Variants in LOXHD1 observed in about 807,000 individuals in gnomAD.
The protein encoded by LOXHD1 is lipoxygenase homology domain-containing protein 1.
In LOXHD1, 205 loss-of-function variants were observed where a neutral mutation model predicts 248.2. The ratio of observed to expected loss-of-function variants is 0.83; its 90% CI spans 0.74 to 0.93. The LOEUF is 0.93. Among genes scored for constraint, LOXHD1 ranks in the 40% least tolerant of loss-of-function variants. The pLI, the probability that LOXHD1 is intolerant of heterozygous loss-of-function variation, is 0.00. For missense variants in LOXHD1, 2,930 were observed against 2,971.6 expected, an observed-to-expected ratio of 0.99 and a Z score of 0.33; for synonymous variants, 1,113 against 1,162.8, an observed-to-expected ratio of 0.96 and a Z score of 0.87.
chr18:46,517,344 G>C (rs1320674849), intron 34 of LOXHD1, among the ~76,000 whole-genome samples: 2 of 152,118 alleles, frequency 1.3e-5, no homozygotes, highest in African/African-American at 4.8e-5. Context: ...GGGCCATCTG[G>C]GTATAGTTTG....
In LOXHD1 at chr18:46,569,459, T is replaced by C. The variant is rs759325484; in HGVS notation, c.2227A>G (p.Thr743Ala). 2.3e-5 allele frequency: 35 copies of C among 1,552,066 alleles called. No individual in the cohort carries two copies. Among genetic ancestry groups the C allele is most frequent in the East Asian group, 1.5e-4 (6 of 40,918 alleles). Residue 743 changes from threonine (T) to alanine (A), a missense_variant, in exon 16 of 41, where the codon ACC (threonine) becomes GCC (alanine). Thr to Ala is a moderately conservative substitution (Grantham distance 58). Coordinates refer to ENST00000642948, the MANE Select transcript of LOXHD1 (RefSeq NM_001384474.1). ...AGACTTACATTTCCAATGTTCAGGG[T>C]CTCGAGGGTGAACTCATCCACCCGG... ...RGRVDEFTLE[T>A]LNIGNINRLV...
intron 29 of LOXHD1, among the ~76,000 whole-genome samples, chr18:46,528,437 C>T (rs2035919014): frequency 6.6e-6 from 1 of 152,126 alleles, no homozygotes; most frequent in Non-Finnish European, 1.5e-5. Flanking sequence ...CTTAGAGACT[C>T]CTGTGTTTTT....
At chr18:46,540,111 A>G (rs1352919148) in intron 25 of LOXHD1, among the ~76,000 whole-genome samples, 1 of 152,222 alleles carries the variant, frequency 6.6e-6, no homozygotes, top group Non-Finnish European at 1.5e-5. Context: ...TTGAGGGAGT[A>G]GGTATTATTA....
chr18:46,584,885 C>T (rs2038030526), intron 12 of LOXHD1, among the ~76,000 whole-genome samples: 1 of 152,056 alleles, frequency 6.6e-6, no homozygotes, highest in South Asian at 2.1e-4. Flanking sequence ...TAGGATTTAT[C>T]CCAGAGATAC....
intron 7 of LOXHD1, among the ~76,000 whole-genome samples, chr18:46,602,856 T>G (rs752404939): frequency 3.9e-5 from 6 of 152,332 alleles, no homozygotes; most frequent in Non-Finnish European, 8.8e-5. Flanking sequence ...CAGATATACT[T>G]TCATCGTTTA....
chr18:46,638,870 A>G (rs1425871185), intron 4 of LOXHD1, among the ~76,000 whole-genome samples: 1 of 152,136 alleles, frequency 6.6e-6, no homozygotes, highest in Non-Finnish European at 1.5e-5. Context: ...CAACTGAGTG[A>G]TTGTAGGAAG....
At chr18:46,538,675 G>A (rs1181728476) in intron 25 of LOXHD1, among the ~76,000 whole-genome samples, 1 of 152,198 alleles carries the variant, frequency 6.6e-6, no homozygotes, top group Non-Finnish European at 1.5e-5. Flanking sequence ...CTTGACCATT[G>A]GTGTAATCTG....
intron 21 of LOXHD1, among the ~76,000 whole-genome samples, chr18:46,556,397 C>T (rs2037331728): frequency 6.6e-6 from 1 of 152,124 alleles, no homozygotes; most frequent in African/African-American, 2.4e-5. Flanking sequence ...AATCCTGTCT[C>T]TCTAAACAGA....
At chr18:46,590,802 C>G (rs994066382) in intron 12 of LOXHD1, among the ~76,000 whole-genome samples, 2 of 152,198 alleles carry the variant, frequency 1.3e-5, no homozygotes, top group African/African-American at 4.8e-5. Flanking sequence ...GTAACCATGG[C>G]AAGAACGTCC....
chr18:46,534,046 C>T (rs1272987303), intron 27 of LOXHD1, among the ~76,000 whole-genome samples: 1 of 152,088 alleles, frequency 6.6e-6, no homozygotes, highest in African/African-American at 2.4e-5. Flanking sequence ...GTGAGTTGAC[C>T]TTGAGTTACA....
rs1290519002 is a variant in LOXHD1 at position 46,646,260 on chromosome 18, C to T, written c.245+2895G>A. On this transcript the variant is annotated intron_variant, in intron 2 of 40. Coordinates refer to ENST00000642948, the MANE Select transcript of LOXHD1 (RefSeq NM_001384474.1). ...AGATCCCAGGATGGGGTGGGGCAGC[C>T]GATGGCCTGAGATAACTGCATCTAG... 9.9e-5 allele frequency among the ~76,000 whole-genome samples: 15 copies of T among 152,230 alleles called. No individual in the cohort carries two copies. The South Asian group carries it at 2.7e-3, about 27-fold the overall frequency.
intron 5 of LOXHD1, among the ~76,000 whole-genome samples, chr18:46,612,047 C>A (rs531038986): frequency 2.0e-5 from 3 of 152,128 alleles, no homozygotes; most frequent in Non-Finnish European, 2.9e-5. Flanking sequence ...TTTGAGAGTA[C>A]CTTGATGATA....
At chr18:46,614,504 G>T (rs565072476) in intron 5 of LOXHD1, among the ~76,000 whole-genome samples, 1 of 152,250 alleles carries the variant, frequency 6.6e-6, no homozygotes, top group South Asian at 2.1e-4. Context: ...TCACTCATAG[G>T]TGGGAATTGA....
chr18:46,519,925 G>A (rs1013147801), intron 33 of LOXHD1, among the ~76,000 whole-genome samples: 1 of 152,192 alleles, frequency 6.6e-6, no homozygotes, highest in African/African-American at 2.4e-5. Context: ...TTTGTGCCAT[G>A]GATAACGGGT....
chr18:46,644,577 G>A (rs556884612), intron 2 of LOXHD1, among the ~76,000 whole-genome samples: 35 of 152,262 alleles, frequency 2.3e-4, no homozygotes, highest in Non-Finnish European at 2.6e-4. Flanking sequence ...AATTGGCTGG[G>A]CCTGGTGGTG....
chr18:46,561,857 A>G (rs932246887), intron 18 of LOXHD1, among the ~76,000 whole-genome samples: 10 of 152,176 alleles, frequency 6.6e-5, no homozygotes, highest in Admixed American at 5.9e-4. Flanking sequence ...AGCATTTCCC[A>G]GGTTACAGCA....
In LOXHD1 at chr18:46,657,041, G is replaced by A; in HGVS notation, c.-8C>T. Reference sequence around the variant, plus strand: ...TTTCTTCTGGGGCATCATTCTGTCGGCTGCCTTCTCCCAGCGCTCGCAGGC... The same window carrying A: ...TTTCTTCTGGGGCATCATTCTGTCGACTGCCTTCTCCCAGCGCTCGCAGGC... On this transcript the variant is annotated 5_prime_UTR_variant, in exon 1 of 41. Coordinates refer to ENST00000642948, the MANE Select transcript of LOXHD1 (RefSeq NM_001384474.1). The A allele has an allele frequency of 1.3e-6, 2 of 1,551,558 alleles. No homozygotes were observed. The highest frequency in any genetic ancestry group is 1.7e-6 in the Non-Finnish European group (2 of 1,146,910).
intron 22 of LOXHD1, among the ~76,000 whole-genome samples, chr18:46,545,627 CTTTT>C (rs56323729): frequency 0.31 from 28,093 of 91,856 alleles, 3,393 homozygotes; most frequent in Non-Finnish European, 0.37. Context: ...TTGGCCATTT[CTTTT>C]TTTTTTTTTT....
At chr18:46,625,051 C>T (rs1277031808) in intron 4 of LOXHD1, among the ~76,000 whole-genome samples, 1 of 152,072 alleles carries the variant, frequency 6.6e-6, no homozygotes, top group African/African-American at 2.4e-5. Flanking sequence ...GCAATGGAAG[C>T]AGGAGCTTAA....
Sources: gnomAD v4.1 joint callset for allele counts (sites outside exome capture counted in the v4.1 genomes callset) on GRCh38, gnomAD v4.1.1 for gene constraint, MANE v1.5 for transcripts, NCBI Gene and HGNC (gene_info 2026-07-23, HGNC 2026-07-21) for gene names.